SERP2: variants seen among roughly 807,000 people sequenced by gnomAD.
SERP2 encodes the protein stress-associated endoplasmic reticulum protein 2.
In SERP2, 6 loss-of-function variants were observed where a neutral mutation model predicts 9.1. That is an observed-to-expected ratio of 0.66 (90% CI 0.36 to 1.30). The LOEUF is 1.30. SERP2 is among the 50% of genes most tolerant of loss of function. SERP2 has a pLI of 0.03. For synonymous variants in SERP2, 37 were observed against 27.3 expected (o/e 1.35, Z -1.10); for missense variants, 58 against 81.9 (o/e 0.71, Z 1.13).
intron 2 of SERP2, 80 bp from the exon 3 acceptor site, chr13:44,397,192 C>A: frequency 8.6e-7 from 1 of 1,165,142 alleles, no homozygotes; most frequent in Non-Finnish European, 1.3e-6. Flanking sequence ...CAGGGGTCTG[C>A]AGAAGCCGGG....
intron 2 of SERP2, among the ~76,000 whole-genome samples, chr13:44,380,882 C>A (rs906618066): frequency 6.6e-6 from 1 of 152,168 alleles, no homozygotes; most frequent in African/African-American, 2.4e-5. Flanking sequence ...TTACACTATG[C>A]TGTCTTCTCA....
Position 44,393,003 on chromosome 13 carries a change from T to G in SERP2, c.158-4269T>G, listed in dbSNP as rs1227782706. Among the ~76,000 whole-genome samples, 3 of 150,058 alleles carry G rather than the reference T, an allele frequency of 2.0e-5. No homozygotes were observed. In the Admixed American group the frequency reaches 2.0e-4, roughly 10 times the overall value. ...CAAGAGAAGGAGGAAAATTAGAACC[T>G]AGAAGACCATGGTTTCACAGAGGCC... is the stretch of plus-strand genomic sequence containing the variant. On this transcript the variant is annotated intron_variant, in intron 2 of 2. Coordinates refer to ENST00000379179, the MANE Select transcript of SERP2 (RefSeq NM_001010897.3).
In SERP2 at chr13:44,397,471, T is replaced by C. The variant is rs1214642247; in HGVS notation, c.*159T>C. 4.7e-6 allele frequency: 3 copies of C among 636,436 alleles called. No individual in the cohort carries two copies. The highest frequency in any genetic ancestry group is 8.4e-6 in the Non-Finnish European group (3 of 358,740). The allele number at this position is 636,436 out of a possible 1,614,324, so 39.4% of individuals were successfully genotyped here. A position where few individuals can be genotyped will look rare whatever the true frequency, so the allele number is the denominator to read the frequency against. ...ACTTCATCGTGGATGTCAGACCAAA[T>C]TGCCTTCTCACAGGACATCTTGGTG... On this transcript the variant is annotated 3_prime_UTR_variant, in exon 3 of 3. Transcript: ENST00000379179.
chr13:44,392,986 G>A (rs1352634501), intron 2 of SERP2, among the ~76,000 whole-genome samples: 1 of 152,082 alleles, frequency 6.6e-6, no homozygotes, highest in Non-Finnish European at 1.5e-5. Context: ...TCCAAGAGAA[G>A]GAGGAAAATT....
intron 2 of SERP2, among the ~76,000 whole-genome samples, chr13:44,390,041 A>T (rs1872541743): frequency 1.3e-5 from 2 of 152,194 alleles, no homozygotes; most frequent in South Asian, 4.1e-4. Flanking sequence ...TCTAAAACCC[A>T]TCTGTTTTCC....
intron 2 of SERP2, among the ~76,000 whole-genome samples, chr13:44,380,531 C>G (rs2138781522): frequency 6.6e-6 from 1 of 152,014 alleles, no homozygotes; most frequent in African/African-American, 2.4e-5. Context: ...TGCATTCAAA[C>G]CTAAAATCAT....
At chr13:44,374,907 C>T (rs1871556130) in intron 1 of SERP2, among the ~76,000 whole-genome samples, 1 of 152,118 alleles carries the variant, frequency 6.6e-6, no homozygotes. Flanking sequence ...GTCAGGCATT[C>T]GGTGTCCCTA....
intron 2 of SERP2, among the ~76,000 whole-genome samples, chr13:44,387,529 G>A (rs1872387777): frequency 1.3e-5 from 2 of 152,180 alleles, no homozygotes; most frequent in Admixed American, 6.5e-5. Context: ...TGGACTTGGT[G>A]AAATGAGGTC....
intron 2 of SERP2, among the ~76,000 whole-genome samples, chr13:44,381,310 G>A (rs547443883): frequency 6.6e-6 from 1 of 151,734 alleles, no homozygotes; most frequent in Non-Finnish European, 1.5e-5. Context: ...GGGAGGCCGA[G>A]GTGGGGAGGA....
intron 2 of SERP2, among the ~76,000 whole-genome samples, chr13:44,396,801 C>CA (rs1283333545): frequency 6.6e-6 from 1 of 152,230 alleles, no homozygotes; most frequent in East Asian, 1.9e-4. Context: ...TCTAGGCAGA[C>CA]AGAGGCCGGG....
Position 44,397,586 on chromosome 13 carries a change from T to G in SERP2, c.*274T>G, listed in dbSNP as rs936134804. On this transcript the variant is annotated 3_prime_UTR_variant, in exon 3 of 3. Transcript: ENST00000379179. ...GTCGTCCGCAGCAGTGCTGTTTTTTTGGTTTTTCCCTTGGTTTCACTAATG... is the reference window on the plus strand; with the variant it reads ...GTCGTCCGCAGCAGTGCTGTTTTTTGGGTTTTTCCCTTGGTTTCACTAATG... The G allele has an allele frequency of 2.0e-6, 1 of 497,530 alleles. No homozygotes were observed. Among genetic ancestry groups the G allele is most frequent in the Non-Finnish European group, 3.6e-6 (1 of 274,082 alleles). The allele number at this position is 497,530 out of a possible 1,614,324, so 30.8% of individuals were successfully genotyped here. A position where few individuals can be genotyped will look rare whatever the true frequency, so the allele number is the denominator to read the frequency against.
chr13:44,373,964 T>C lies in SERP2; in HGVS notation c.-62T>C, dbSNP rs1341528383. ...GGCCTCGGCGGGACGCGCTCGGCCC[T>C]GTCGCAGGAGCTAACGCAGGGGGAA... On this transcript the variant is annotated 5_prime_UTR_variant, in exon 1 of 3. Coordinates refer to ENST00000379179, the MANE Select transcript of SERP2 (RefSeq NM_001010897.3). This position sits in a 1 kb window ranked among gnomAD's most constrained non-coding sequence, Gnocchi z 4.8. 21 of 1,445,444 alleles carry C rather than the reference T, an allele frequency of 1.5e-5. No individual in the cohort carries two copies. The highest frequency in any genetic ancestry group is 2.0e-5 in the Non-Finnish European group (21 of 1,060,982). 89.5% of individuals were successfully genotyped at this position (1,445,444 alleles called of 1,614,324 possible).
intron 2 of SERP2, among the ~76,000 whole-genome samples, chr13:44,392,128 A>G (rs1420617276): frequency 1.4e-5 from 2 of 139,090 alleles, no homozygotes; most frequent in African/African-American, 2.7e-5. Flanking sequence ...AACCCGGAAG[A>G]CAGAGGTTGC....
chr13:44,374,657 C>G (rs1871539350), intron 1 of SERP2, among the ~76,000 whole-genome samples: 1 of 152,170 alleles, frequency 6.6e-6, no homozygotes, highest in Non-Finnish European at 1.5e-5. Context: ...CAGACTTGCA[C>G]CAGGATCAAG....
chr13:44,375,454 G>A (rs570159569), intron 1 of SERP2, among the ~76,000 whole-genome samples: 3 of 152,148 alleles, frequency 2.0e-5, no homozygotes, highest in African/African-American at 7.2e-5. Context: ...GCAGCAAAAT[G>A]CCAAGATGCC....
chr13:44,380,254 A>G (rs897632969), intron 2 of SERP2, among the ~76,000 whole-genome samples: 1 of 152,218 alleles, frequency 6.6e-6, no homozygotes, highest in Non-Finnish European at 1.5e-5. Flanking sequence ...GATGAGCAGA[A>G]GCATCGTGCC....
chr13:44,394,304 T>C (rs1872957149), intron 2 of SERP2, among the ~76,000 whole-genome samples: 1 of 152,126 alleles, frequency 6.6e-6, no homozygotes, highest in African/African-American at 2.4e-5. Context: ...TTTGTATTTT[T>C]AGTGGAGACG....
intron 2 of SERP2, among the ~76,000 whole-genome samples, chr13:44,382,634 C>T (rs1232319402): frequency 6.6e-6 from 1 of 151,918 alleles, no homozygotes; most frequent in African/African-American, 2.4e-5. Flanking sequence ...TGTTATGGTC[C>T]CTGAAAATAT....
chr13:44,392,290 C>G (rs1190120132), intron 2 of SERP2, among the ~76,000 whole-genome samples: 1 of 146,024 alleles, frequency 6.8e-6, no homozygotes, highest in Non-Finnish European at 1.5e-5. Context: ...AAGAGTGATA[C>G]AAGGTGAGTC....
Sources: allele counts gnomAD v4.1 joint callset (sites outside exome capture counted in the v4.1 genomes callset), GRCh38; gene constraint gnomAD v4.1.1; non-coding constraint Gnocchi (gnomAD v3.1); transcripts MANE v1.5; gene names NCBI Gene and HGNC (gene_info 2026-07-23, HGNC 2026-07-21).